Variants in PARP1 observed in about 807,000 individuals in gnomAD.
PARP1 encodes poly [ADP-ribose] polymerase 1.
Under a neutral mutation model 118.7 loss-of-function variants are expected in PARP1, and 44 were observed. The ratio of observed to expected loss-of-function variants is 0.37; its 90% CI spans 0.29 to 0.48. PARP1 has a LOEUF of 0.48. Among genes scored for constraint, PARP1 ranks in the 20% least tolerant of loss-of-function variants. PARP1 has a pLI of 0.99. For synonymous variants in PARP1, 492 were observed against 483.2 expected (o/e 1.02, Z -0.24); for missense variants, 1,100 against 1,272.4 (o/e 0.86, Z 2.06).
intron 2 of PARP1, among the ~76,000 whole-genome samples, chr1:226,398,353 C>T (rs950351073): frequency 2.0e-5 from 3 of 152,008 alleles, no homozygotes; most frequent in Admixed American, 6.6e-5. Context: ...CCAGTCTGGG[C>T]AACAAGGTGG....
At chr1:226,374,651 T>C (rs1430872822) in intron 13 of PARP1, among the ~76,000 whole-genome samples, 2 of 152,190 alleles carry the variant, frequency 1.3e-5, no homozygotes, top group East Asian at 1.9e-4. Flanking sequence ...TGCTGGTCCC[T>C]GCCTGGGAAC....
At chr1:226,371,792 T>C (rs936110281) in intron 14 of PARP1, among the ~76,000 whole-genome samples, 2 of 152,236 alleles carry the variant, frequency 1.3e-5, no homozygotes, top group African/African-American at 4.8e-5. Context: ...TTCCACGCTG[T>C]ATAATTCTGG....
intron 4 of PARP1, among the ~76,000 whole-genome samples, chr1:226,389,895 C>T (rs1664789917): frequency 6.6e-6 from 1 of 152,108 alleles, no homozygotes; most frequent in South Asian, 2.1e-4. Context: ...TCCATGGATT[C>T]AAGACAGTCA....
At chr1:226,363,828 C>G (rs752307) in intron 20 of PARP1, 115 bp downstream of exon 20, 859,724 of 1,048,236 alleles carry the variant, frequency 0.82, 356,254 homozygotes, top group South Asian at 0.89. Flanking sequence ...CTAATTGGTG[C>G]GTCCAGTAAC....
At chr1:226,406,719 T>G (rs1412747621) in intron 1 of PARP1, among the ~76,000 whole-genome samples, 1 of 152,158 alleles carries the variant, frequency 6.6e-6, no homozygotes, top group Non-Finnish European at 1.5e-5. Context: ...ATAAGCACTG[T>G]GTGCCACGTA....
At chr1:226,374,168 C>T (rs1664446687) in intron 14 of PARP1, 58 bp downstream of exon 14, 3 of 1,602,486 alleles carry the variant, frequency 1.9e-6, no homozygotes, top group Non-Finnish European at 8.5e-7. Flanking sequence ...TCTTCACTAG[C>T]TCAGCAAATA....
chr1:226,374,929 A>G (rs1224346550), intron 13 of PARP1, among the ~76,000 whole-genome samples: 2 of 152,202 alleles, frequency 1.3e-5, no homozygotes, highest in Admixed American at 1.3e-4. Flanking sequence ...AAGCTGCCTA[A>G]TAGACTATTG....
At chr1:226,382,903 G>C in intron 8 of PARP1, 133 bp downstream of exon 8, 3 of 997,494 alleles carry the variant, frequency 3.0e-6, no homozygotes, top group Admixed American at 1.9e-5. Flanking sequence ...TGCAGGGCAA[G>C]GCTTCCCCAT....
chr1:226,385,771 T>C, intron 6 of PARP1, 91 bp from the exon 7 acceptor site: 2 of 1,140,534 alleles, frequency 1.8e-6, no homozygotes, highest in East Asian at 2.4e-5. Flanking sequence ...TTGCACAGAT[T>C]CCACTCACTA....
intron 2 of PARP1, among the ~76,000 whole-genome samples, chr1:226,397,544 G>C (rs968639017): frequency 6.6e-6 from 1 of 152,150 alleles, no homozygotes; most frequent in Non-Finnish European, 1.5e-5. Flanking sequence ...GTTGGAGGTG[G>C]GGCCTGGTGG....
At chr1:226,385,290 T>TG (rs1664692943) in intron 7 of PARP1, among the ~76,000 whole-genome samples, 1 of 152,224 alleles carries the variant, frequency 6.6e-6, no homozygotes, top group Admixed American at 6.5e-5. Flanking sequence ...TTACACCAAA[T>TG]GGACCTCTAC....
At chr1:226,373,770 G>A (rs991626480) in intron 14 of PARP1, among the ~76,000 whole-genome samples, 3 of 152,178 alleles carry the variant, frequency 2.0e-5, no homozygotes, top group Non-Finnish European at 4.4e-5. Flanking sequence ...GTTTGGTTGG[G>A]CCACAAAGGA....
rs1665187948 is a variant in PARP1 at position 226,408,041 on chromosome 1, G to C, written c.-112C>G. The C allele has an allele frequency of 1.3e-6, 2 of 1,503,182 alleles. No individual in the cohort carries two copies. The highest frequency in any genetic ancestry group is 1.2e-5 in the South Asian group (1 of 86,930). 93.1% of individuals were successfully genotyped at this position (1,503,182 alleles called of 1,614,324 possible). ...CCAGCCGCAGGCGCCTGAGCGGCCAGAGCCGCCACCGAACACGCCGCACCG... is the reference window on the plus strand; with the variant it reads ...CCAGCCGCAGGCGCCTGAGCGGCCACAGCCGCCACCGAACACGCCGCACCG... On this transcript the variant is annotated 5_prime_UTR_variant, in exon 1 of 23. Coordinates refer to ENST00000366794, the MANE Select transcript of PARP1 (RefSeq NM_001618.4).
At chr1:226,388,869 C>G (rs1463314547) in intron 4 of PARP1, 114 bp from the exon 5 acceptor site, 1 of 835,524 alleles carries the variant, frequency 1.2e-6, no homozygotes, top group African/African-American at 1.7e-5. Flanking sequence ...GTAGGGCCTA[C>G]TCACACTTGT....
chr1:226,377,379 A>G, intron 12 of PARP1, 76 bp from the exon 13 acceptor site: 1 of 1,123,126 alleles, frequency 8.9e-7, no homozygotes, highest in Non-Finnish European at 1.4e-6. Flanking sequence ...CTTTCCTGCC[A>G]TTACATTCAC....
intron 14 of PARP1, among the ~76,000 whole-genome samples, chr1:226,373,500 G>C (rs750441257): frequency 3.3e-5 from 5 of 152,080 alleles, no homozygotes; most frequent in Non-Finnish European, 5.9e-5. Flanking sequence ...AGAACAAGGG[G>C]GCCGCCCTTT....
intron 1 of PARP1, 31 bp downstream of exon 1, chr1:226,407,779 C>G (rs1468310425): frequency 6.5e-7 from 1 of 1,547,544 alleles, no homozygotes. Flanking sequence ...GCGCCGCGTC[C>G]CCGCCCCGCC....
intron 21 of PARP1, among the ~76,000 whole-genome samples, chr1:226,362,470 A>T (rs182182375): frequency 6.6e-6 from 1 of 152,314 alleles, no homozygotes; most frequent in East Asian, 1.9e-4. Flanking sequence ...GACATGCTCT[A>T]TCTTTCTTCA....
At chr1:226,383,868 T>C (rs1376552510) in intron 7 of PARP1, among the ~76,000 whole-genome samples, 1 of 152,230 alleles carries the variant, frequency 6.6e-6, no homozygotes, top group Non-Finnish European at 1.5e-5. Context: ...TTTCCAGCTA[T>C]GCCTGTGTTC....
Sources: allele counts gnomAD v4.1 joint callset (sites outside exome capture counted in the v4.1 genomes callset), GRCh38; gene constraint gnomAD v4.1.1; transcripts MANE v1.5; gene names NCBI Gene and HGNC (gene_info 2026-07-23, HGNC 2026-07-21).